The following PELI2 variants were observed in gnomAD, a reference collection of about 807,000 sequenced individuals.
The protein encoded by PELI2 is E3 ubiquitin-protein ligase pellino homolog 2.
PELI2 carries 23 observed loss-of-function variants against 42.3 expected under a neutral mutation model. The observed-to-expected ratio is 0.54, with a 90% CI of 0.39 to 0.77. PELI2 has a LOEUF of 0.77. Ranked by LOEUF, PELI2 falls within the 30% of genes least tolerant of loss-of-function variation. The probability of loss-of-function intolerance (pLI) is 0.00; values close to 1 mark genes in which losing one functional copy is unlikely to be tolerated. For synonymous variants in PELI2, 245 were observed against 212.2 expected, an observed-to-expected ratio of 1.15 and a Z score of -1.34; for missense variants, 463 against 553.2, an observed-to-expected ratio of 0.84 and a Z score of 1.64.
intron 2 of PELI2, among the ~76,000 whole-genome samples, chr14:56,211,098 T>C (rs961128454): frequency 6.6e-6 from 1 of 152,144 alleles, no homozygotes; most frequent in Non-Finnish European, 1.5e-5. Context: ...TACTTTGTCT[T>C]GCTACGCTGT....
chr14:56,136,151 T>A (rs962258557), intron 1 of PELI2, among the ~76,000 whole-genome samples: 2 of 152,202 alleles, frequency 1.3e-5, no homozygotes, highest in Non-Finnish European at 2.9e-5. Flanking sequence ...GATGTTTAGC[T>A]CTCTGTAAGG....
chr14:56,252,168 A>G (rs1888369728), intron 2 of PELI2, among the ~76,000 whole-genome samples: 1 of 152,244 alleles, frequency 6.6e-6, no homozygotes, highest in Non-Finnish European at 1.5e-5. Context: ...AAGTAAATAT[A>G]GTTGTCATAG....
chr14:56,135,514 G>A (rs1295507826), intron 1 of PELI2, among the ~76,000 whole-genome samples: 5 of 152,226 alleles, frequency 3.3e-5, no homozygotes, highest in African/African-American at 1.2e-4. Flanking sequence ...GGGCATGTTG[G>A]TGGTTGATGA....
intron 5 of PELI2, among the ~76,000 whole-genome samples, chr14:56,291,570 A>G (rs1889832669): frequency 6.6e-6 from 1 of 152,264 alleles, no homozygotes; most frequent in Non-Finnish European, 1.5e-5. Context: ...GAAATTGTAA[A>G]CAAAGGAGGA....
At chr14:56,225,281 A>T (rs1047655691) in intron 2 of PELI2, among the ~76,000 whole-genome samples, 1 of 152,078 alleles carries the variant, frequency 6.6e-6, no homozygotes, top group African/African-American at 2.4e-5. Flanking sequence ...GCAGTGTTGG[A>T]GCGAGGCAGA....
intron 2 of PELI2, among the ~76,000 whole-genome samples, chr14:56,200,235 C>G (rs1886285920): frequency 6.6e-6 from 1 of 152,274 alleles, no homozygotes; most frequent in Admixed American, 6.5e-5. Flanking sequence ...AGTTCAAATA[C>G]AGAGTGCTTA....
At chr14:56,128,970 G>A (rs935637581) in intron 1 of PELI2, among the ~76,000 whole-genome samples, 4 of 152,090 alleles carry the variant, frequency 2.6e-5, no homozygotes, top group Non-Finnish European at 4.4e-5. Flanking sequence ...GGGTTAGCAA[G>A]GGGAAAGCAG....
chr14:56,299,622 C>T lies in PELI2; in HGVS notation c.*2456C>T, dbSNP rs759912024. ...TTGACTAAGGAGATTTTTTTTTTCA[C>T]AGTTGAGTTAGTTTGTGAAAATAAA... On this transcript the variant is annotated 3_prime_UTR_variant, in exon 6 of 6. Coordinates refer to ENST00000267460, the MANE Select transcript of PELI2 (RefSeq NM_021255.3). The T allele has an allele frequency of 2.0e-5, 3 of 151,712 alleles. No individual in the cohort carries two copies. The highest frequency in any genetic ancestry group is 6.6e-5 in the Admixed American group (1 of 15,256). The allele number at this position is 151,712 out of a possible 1,614,324, so 9.4% of individuals were successfully genotyped here. A position where few individuals can be genotyped will look rare whatever the true frequency, so the allele number is the denominator to read the frequency against.
chr14:56,165,077 G>A (rs1884905065), intron 1 of PELI2, among the ~76,000 whole-genome samples: 1 of 128,258 alleles, frequency 7.8e-6, no homozygotes, highest in African/African-American at 2.6e-5. Flanking sequence ...TTTTGGGTTT[G>A]GTTTGCTCTT....
intron 2 of PELI2, among the ~76,000 whole-genome samples, chr14:56,228,047 A>G (rs1279446268): frequency 6.6e-6 from 1 of 152,228 alleles, no homozygotes. Flanking sequence ...ATAATGTATC[A>G]CTCCTAATAT....
At chr14:56,202,512 C>T (rs1011581267) in intron 2 of PELI2, among the ~76,000 whole-genome samples, 7 of 152,064 alleles carry the variant, frequency 4.6e-5, no homozygotes, top group African/African-American at 1.4e-4. Context: ...TGAGCCTGCT[C>T]TCCAGGTCTG....
At chr14:56,262,112 G>A (rs1487409704) in intron 2 of PELI2, among the ~76,000 whole-genome samples, 2 of 152,188 alleles carry the variant, frequency 1.3e-5, no homozygotes, top group African/African-American at 2.4e-5. Context: ...AAAAGTACTA[G>A]AAGCAGGGCA....
intron 1 of PELI2, among the ~76,000 whole-genome samples, chr14:56,151,571 C>T (rs1884359450): frequency 6.6e-6 from 1 of 152,198 alleles, no homozygotes. Flanking sequence ...TTCATCCCAG[C>T]TCTGCTGCTG....
In PELI2 at chr14:56,192,000, A is replaced by C. The variant is rs566639768; in HGVS notation, c.207+13536A>C. Among the ~76,000 whole-genome samples, 469 of 152,134 alleles carry C rather than the reference A, an allele frequency of 3.1e-3. 2 individuals are homozygous for C. The highest frequency in any genetic ancestry group is 0.011 in the African/African-American group (453 of 41,510). ...CTCCCAAGTAGCTGGAATTACAGGC[A>C]CATGCCACCACCCCCAGCCAATTTT... On this transcript the variant is annotated intron_variant, in intron 2 of 5. Coordinates refer to ENST00000267460, the MANE Select transcript of PELI2 (RefSeq NM_021255.3).
At chr14:56,234,387 G>A (rs1283185292) in intron 2 of PELI2, among the ~76,000 whole-genome samples, 3 of 152,200 alleles carry the variant, frequency 2.0e-5, no homozygotes, top group African/African-American at 4.8e-5. Flanking sequence ...TTAAGAAAAT[G>A]TGGTACATAT....
At chr14:56,287,598 GA>G (rs1369572263) in intron 3 of PELI2, among the ~76,000 whole-genome samples, 1 of 152,158 alleles carries the variant, frequency 6.6e-6, no homozygotes, top group Non-Finnish European at 1.5e-5. Context: ...AAGTTTCAAT[GA>G]AACCAGCAGT....
intron 1 of PELI2, among the ~76,000 whole-genome samples, chr14:56,157,442 A>T (rs913459493): frequency 6.6e-6 from 1 of 152,248 alleles, no homozygotes; most frequent in Non-Finnish European, 1.5e-5. Context: ...GGATGAATCC[A>T]TGTAGCATCA....
chr14:56,155,170 G>A lies in PELI2; in HGVS notation c.78-23165G>A, dbSNP rs570867682. Reference sequence around the variant, plus strand: ...AGTATTTTTTCTAGTTTTGTTGGATGTGTAATTTTATAATTTTTGATATGC... The same window carrying A: ...AGTATTTTTTCTAGTTTTGTTGGATATGTAATTTTATAATTTTTGATATGC... On this transcript the variant is annotated intron_variant, in intron 1 of 5. Coordinates refer to ENST00000267460, the MANE Select transcript of PELI2 (RefSeq NM_021255.3). Among the ~76,000 whole-genome samples the A allele has an allele frequency of 6.6e-5, 10 of 150,990 alleles. No individual in the cohort carries two copies. The South Asian group carries it at 1.0e-3, about 16-fold the overall frequency.
rs552238104 is a variant in PELI2 at position 56,263,102 on chromosome 14, G to A, written c.208-16574G>A. Among the ~76,000 whole-genome samples, 12 of 152,090 alleles carry A rather than the reference G, an allele frequency of 7.9e-5. 1 individual carries two copies. In the South Asian group the frequency reaches 2.5e-3, roughly 32 times the overall value. On this transcript the variant is annotated intron_variant, in intron 2 of 5. Transcript: ENST00000267460. Reference sequence around the variant, plus strand: ...CTCCCAAGTAGCTGGGATTACGGGCGCCTGCCACCATGCCTGGCTAATTTT... The same window carrying A: ...CTCCCAAGTAGCTGGGATTACGGGCACCTGCCACCATGCCTGGCTAATTTT...
Sources: gnomAD v4.1 joint callset for allele counts (sites outside exome capture counted in the v4.1 genomes callset) on GRCh38, gnomAD v4.1.1 for gene constraint, MANE v1.5 for transcripts, NCBI Gene and HGNC (gene_info 2026-07-23, HGNC 2026-07-21) for gene names.